The following EYS variants were observed in gnomAD, a reference collection of about 807,000 sequenced individuals.
EYS encodes the protein EGF-like photoreceptor maintenance factor, also known as protein eyes shut homolog.
A neutral mutation model predicts 282.1 loss-of-function variants in EYS; 250 were observed. That is an observed-to-expected ratio of 0.89 (90% CI 0.80 to 0.98). The LOEUF (loss-of-function observed/expected upper bound fraction) is 0.98. Ranked by LOEUF, EYS falls within the 50% of genes least tolerant of loss-of-function variation. The probability of loss-of-function intolerance (pLI) is 0.00; values close to 1 mark genes in which losing one functional copy is unlikely to be tolerated. For synonymous variants in EYS, 1,355 were observed against 1,282.9 expected, an observed-to-expected ratio of 1.06 and a Z score of -1.20; for missense variants, 4,016 against 3,709.0, an observed-to-expected ratio of 1.08 and a Z score of -2.15.
At chr6:65,575,071 T>G (rs1764611739) in intron 2 of EYS, among the ~76,000 whole-genome samples, 1 of 152,074 alleles carries the variant, frequency 6.6e-6, no homozygotes. Context: ...CCTATAATCC[T>G]AGCACTTTGA....
chr6:63,721,739 G>T lies in EYS; in HGVS notation c.8292C>A (p.Gly2764=). The change falls in exon 43 of 43, where the codon GGC becomes GGA. Residue 2764 remains glycine, a synonymous_variant. Coordinates refer to ENST00000503581, the MANE Select transcript of EYS (RefSeq NM_001142800.2). ...GAGTTTCTAGAATGATAGTTCTGTC[G>T]CCAAGGTTGTAGCGAAGTTGAACGG... ...NSSVQLRYNL[G]DRTIILETLQ... 6.4e-7 allele frequency: 1 copy of T among 1,550,604 alleles called. No individual in the cohort carries two copies. Among genetic ancestry groups the T allele is most frequent in the Non-Finnish European group, 8.7e-7 (1 of 1,146,098 alleles).
At position 65,136,765 on chromosome 6, in the gene EYS, A is replaced by G. The variant is rs541580134; in HGVS notation, c.2024-79038T>C. ...CAGTGGCATGGTCTCAGCTTACTGCAACCTCTGCCTCTGGTGCTCAGGAGA... is the reference window on the plus strand; with the variant it reads ...CAGTGGCATGGTCTCAGCTTACTGCGACCTCTGCCTCTGGTGCTCAGGAGA... On this transcript the variant is annotated intron_variant, in intron 12 of 42. Coordinates refer to ENST00000503581, the MANE Select transcript of EYS (RefSeq NM_001142800.2). Among the ~76,000 whole-genome samples, 5 of 152,190 alleles carry G rather than the reference A, an allele frequency of 3.3e-5. No homozygotes were observed. In the East Asian group the frequency reaches 9.7e-4, roughly 29 times the overall value.
chr6:64,315,800 T>C lies in EYS; in HGVS notation c.6079-8718A>G, dbSNP rs183125494. 3.3e-5 allele frequency among the ~76,000 whole-genome samples: 5 copies of C among 151,050 alleles called. No individual in the cohort carries two copies. In the East Asian group the frequency reaches 7.8e-4, roughly 23 times the overall value. On this transcript the variant is annotated intron_variant, in intron 29 of 42. Transcript: ENST00000503581. Reference sequence around the variant, plus strand: ...TTTCAGGCCAATATCCCTATGAACATCGATGAGAAAACCCTCAATAAAATG... The same window carrying C: ...TTTCAGGCCAATATCCCTATGAACACCGATGAGAAAACCCTCAATAAAATG...
intron 22 of EYS, among the ~76,000 whole-genome samples, chr6:64,696,924 A>T (rs1012805071): frequency 1.3e-5 from 2 of 152,166 alleles, no homozygotes; most frequent in Non-Finnish European, 2.9e-5. Context: ...ATATAAAGCA[A>T]TTACACAAAG....
chr6:63,829,283 T>A (rs143980424), intron 36 of EYS, among the ~76,000 whole-genome samples: 2 of 152,234 alleles, frequency 1.3e-5, no homozygotes, highest in East Asian at 3.9e-4. Context: ...ACCCGGGAAA[T>A]GCAAGAGGTC....
intron 35 of EYS, among the ~76,000 whole-genome samples, chr6:63,923,635 A>G (rs930508943): frequency 6.6e-6 from 1 of 152,184 alleles, no homozygotes; most frequent in Non-Finnish European, 1.5e-5. Context: ...TTACCTGGGT[A>G]TATTGCGTGA....
At chr6:63,742,988 C>A (rs747940088) in intron 41 of EYS, among the ~76,000 whole-genome samples, 4 of 151,988 alleles carry the variant, frequency 2.6e-5, no homozygotes, top group Admixed American at 6.6e-5. Context: ...TATAAATGTC[C>A]AGCAATGTGA....
At chr6:64,245,890 A>G (rs1014172080) in intron 30 of EYS, among the ~76,000 whole-genome samples, 4 of 151,788 alleles carry the variant, frequency 2.6e-5, no homozygotes, top group African/African-American at 9.7e-5. Flanking sequence ...ATGGTGGCGC[A>G]CGCCTGTAGT....
At chr6:64,524,736 C>T (rs1411216983) in intron 26 of EYS, among the ~76,000 whole-genome samples, 1 of 151,758 alleles carries the variant, frequency 6.6e-6, no homozygotes, top group Non-Finnish European at 1.5e-5. Flanking sequence ...GTCCTTTCCT[C>T]ATTGCTTGCT....
At chr6:64,884,728 G>T (rs1441066207) in intron 19 of EYS, among the ~76,000 whole-genome samples, 3 of 151,546 alleles carry the variant, frequency 2.0e-5, no homozygotes, top group Non-Finnish European at 3.0e-5. Flanking sequence ...TCTTGAGGGG[G>T]AAAACTTCTT....
intron 12 of EYS, among the ~76,000 whole-genome samples, chr6:65,069,187 C>A (rs1218700155): frequency 6.6e-6 from 1 of 151,966 alleles, no homozygotes; most frequent in Non-Finnish European, 1.5e-5. Flanking sequence ...TCTCTTGCAT[C>A]TTCAAACTTC....
chr6:64,211,691 GAATT>G (rs1322819961), intron 31 of EYS, among the ~76,000 whole-genome samples: 1 of 145,896 alleles, frequency 6.9e-6, no homozygotes, highest in East Asian at 2.0e-4. Flanking sequence ...AATTATATAT[GAATT>G]AATAGATTAA....
chr6:64,701,515 C>T (rs1410340408), intron 22 of EYS, among the ~76,000 whole-genome samples: 1 of 152,044 alleles, frequency 6.6e-6, no homozygotes, highest in East Asian at 1.9e-4. Flanking sequence ...TTTATTGCAG[C>T]ACTATTCACA....
intron 23 of EYS, among the ~76,000 whole-genome samples, chr6:64,618,092 G>T (rs1479136341): frequency 6.6e-6 from 1 of 152,124 alleles, no homozygotes; most frequent in Non-Finnish European, 1.5e-5. Flanking sequence ...TTGGCTGTAA[G>T]AATTCTCATT....
intron 13 of EYS, among the ~76,000 whole-genome samples, chr6:65,026,700 A>G (rs1424129965): frequency 1.3e-5 from 2 of 152,034 alleles, no homozygotes; most frequent in East Asian, 1.9e-4. Context: ...GGCAGATCAC[A>G]AGGTCAGGAG....
intron 35 of EYS, among the ~76,000 whole-genome samples, chr6:63,900,931 C>T (rs1773642965): frequency 1.3e-5 from 2 of 152,024 alleles, no homozygotes; most frequent in Non-Finnish European, 2.9e-5. Context: ...AAATAGAATC[C>T]AGAGTTGCTA....
At chr6:64,621,716 GAACAATA>G (rs1387448458) in intron 23 of EYS, among the ~76,000 whole-genome samples, 1 of 152,126 alleles carries the variant, frequency 6.6e-6, no homozygotes, top group Non-Finnish European at 1.5e-5. Flanking sequence ...GCTACAAAAT[GAACAATA>G]CTACTTTAAG....
intron 2 of EYS, among the ~76,000 whole-genome samples, chr6:65,542,729 C>T (rs1019789130): frequency 6.6e-5 from 10 of 151,866 alleles, no homozygotes; most frequent in South Asian, 6.2e-4. Context: ...ACATAAACAC[C>T]GGCTACTTGA....
chr6:63,721,995 TGGC>T, intron 42 of EYS, among the ~76,000 whole-genome samples, 198 bp from the exon 43 acceptor site: 1 of 152,256 alleles, frequency 6.6e-6, no homozygotes, highest in East Asian at 1.9e-4. Context: ...GTTCAGCAAT[TGGC>T]TACATAAATT....
Sources: gnomAD v4.1 joint callset for allele counts (sites outside exome capture counted in the v4.1 genomes callset) on GRCh38, gnomAD v4.1.1 for gene constraint, MANE v1.5 for transcripts, NCBI Gene and HGNC (gene_info 2026-07-23, HGNC 2026-07-21) for gene names.